TPBG: variants seen among roughly 807,000 people sequenced by gnomAD.
TPBG encodes the protein 5T4 oncofetal antigen.
In TPBG, 13 loss-of-function variants were observed where a neutral mutation model predicts 19.3. That is an observed-to-expected ratio of 0.67 (90% CI 0.44 to 1.07). The LOEUF (loss-of-function observed/expected upper bound fraction) is 1.07. Among genes scored for constraint, TPBG ranks in the 50% least tolerant of loss-of-function variants. The pLI is 0.00. For synonymous variants in TPBG, 338 were observed against 259.8 expected, an observed-to-expected ratio of 1.30 and a Z score of -2.89; for missense variants, 642 against 559.6, an observed-to-expected ratio of 1.15 and a Z score of -1.49.
Position 82,366,663 on chromosome 6 carries a change from C to A in TPBG, c.*439C>A, listed in dbSNP as rs984920820. ...ACCTAAGTTGTGGAGAAAATAATTG[C>A]ATCCTATAAACTGCCTGCAGACGTT... On this transcript the variant is annotated 3_prime_UTR_variant, in exon 2 of 2. Transcript: ENST00000369750. The A allele has an allele frequency of 1.2e-5, 2 of 169,732 alleles. No individual in the cohort carries two copies. Among genetic ancestry groups the A allele is most frequent in the Non-Finnish European group, 1.4e-5 (1 of 69,958 alleles). The allele number at this position is 169,732 out of a possible 1,614,324, so 10.5% of individuals were successfully genotyped here. A position where few individuals can be genotyped will look rare whatever the true frequency, so the allele number is the denominator to read the frequency against.
At position 82,365,121 on chromosome 6, in the gene TPBG, G is replaced by A. The variant is rs1393326143; in HGVS notation, c.160G>A (p.Ala54Thr). The change falls in exon 2 of 2, where the codon GCC (alanine) becomes ACC (threonine). Residue 54 changes from alanine to threonine, a missense_variant. Coordinates refer to ENST00000369750, the MANE Select transcript of TPBG (RefSeq NM_001376922.1). ...SAPFLASAVS[A>T]QPPLPDQCPA... Reference sequence around the variant, plus strand: ...GCCGTTCCTGGCTTCCGCCGTGTCCGCCCAGCCCCCGCTGCCGGACCAGTG... The same window carrying A: ...GCCGTTCCTGGCTTCCGCCGTGTCCACCCAGCCCCCGCTGCCGGACCAGTG... 1.9e-6 allele frequency: 3 copies of A among 1,595,402 alleles called. No homozygotes were observed. Among genetic ancestry groups the A allele is most frequent in the Non-Finnish European group, 1.7e-6 (2 of 1,171,684 alleles).
Position 82,365,633 on chromosome 6 carries a change from C to T in TPBG, c.672C>T (p.Tyr224=), listed in dbSNP as rs1265145101. 6.9e-6 allele frequency: 11 copies of T among 1,604,938 alleles called. No individual in the cohort carries two copies. Among genetic ancestry groups the T allele is most frequent in the African/African-American group, 2.7e-5 (2 of 74,850 alleles). The part of the protein sequence containing the change: ...RLELASNHFL[Y]LPRDVLAQLP... ...AGCTGGCCAGCAACCACTTCCTTTA[C>T]CTGCCGCGGGATGTGCTGGCCCAAC... Residue 224 remains tyrosine, a synonymous_variant, in exon 2 of 2, where the codon TAC becomes TAT. Transcript: ENST00000369750.
Position 82,364,935 on chromosome 6 carries a change from C to G in TPBG, c.-27C>G, listed in dbSNP as rs777248091. ...GCCTTCGGAGCGGGCGCCGTCCCAG[C>G]CCAGCTCCGGGGAAACGCGAGCCGC... On this transcript the variant is annotated 5_prime_UTR_variant, in exon 2 of 2. Coordinates refer to ENST00000369750, the MANE Select transcript of TPBG (RefSeq NM_001376922.1). The G allele has an allele frequency of 6.9e-6, 10 of 1,445,340 alleles. No homozygotes were observed. In the African/African-American group the frequency reaches 1.5e-4, roughly 22 times the overall value. The allele number at this position is 1,445,340 out of a possible 1,614,324, so 89.5% of individuals were successfully genotyped here. A position where few individuals can be genotyped will look rare whatever the true frequency, so the allele number is the denominator to read the frequency against.
At position 82,363,860 on chromosome 6, in the gene TPBG, G is replaced by C. The variant is rs973844469; in HGVS notation, c.-388G>C. The C allele has an allele frequency of 6.6e-6, 1 of 152,534 alleles. No individual in the cohort carries two copies. Among genetic ancestry groups the C allele is most frequent in the African/African-American group, 2.4e-5 (1 of 41,434 alleles). 9.4% of individuals were successfully genotyped at this position (152,534 alleles called of 1,614,324 possible). A position where few individuals can be genotyped will look rare whatever the true frequency, so the allele number is the denominator to read the frequency against. ...CGCAACGCGGAGCCGGGAAGTCGTCGCTACTCTGGTGGAACTCAGAGTTGG... is the reference window on the plus strand; with the variant it reads ...CGCAACGCGGAGCCGGGAAGTCGTCCCTACTCTGGTGGAACTCAGAGTTGG... On this transcript the variant is annotated 5_prime_UTR_variant, in exon 1 of 2. Transcript: ENST00000369750.
At position 82,366,142 on chromosome 6, in the gene TPBG, A is replaced by C. The variant is rs1402063347; in HGVS notation, c.1181A>C (p.Asp394Ala). 1.2e-6 allele frequency: 2 copies of C among 1,614,120 alleles called. No individual in the cohort carries two copies. The highest frequency in any genetic ancestry group is 2.2e-5 in the South Asian group (2 of 91,074). Residue 394 changes from aspartate to alanine, a missense_variant, in exon 2 of 2, where the codon GAT becomes GCT. Physicochemically the swap from Asp to Ala is moderately radical, Grantham distance 126. Transcript: ENST00000369750. ...WMHNIRDACR[D>A]HMEGYHYRYE... ...CATAACATCAGAGATGCCTGCAGGGATCACATGGAAGGGTATCATTACAGA... is the reference window on the plus strand; with the variant it reads ...CATAACATCAGAGATGCCTGCAGGGCTCACATGGAAGGGTATCATTACAGA...
Position 82,366,051 on chromosome 6 carries a change from G to T in TPBG, c.1090G>T (p.Ala364Ser). Residue 364 changes from alanine (A) to serine (S), a missense_variant, in exon 2 of 2, where the codon GCC (alanine) becomes TCC (serine). Transcript: ENST00000369750. ...TTATGTCTTCCTGGGTATTGTTTTA[G>T]CCCTGATAGGCGCTATTTTCCTCCT... ...TSYVFLGIVL[A>S]LIGAIFLLVL... 1.2e-6 allele frequency: 2 copies of T among 1,614,130 alleles called. No individual in the cohort carries two copies. The highest frequency in any genetic ancestry group is 2.2e-5 in the East Asian group (1 of 44,870).
chr6:82,365,024 A>G lies in TPBG; in HGVS notation c.63A>G (p.Leu21=), dbSNP rs759250785. The change falls in exon 2 of 2, where the codon CTA becomes CTG. Residue 21 remains leucine (L), a synonymous_variant. Coordinates refer to ENST00000369750, the MANE Select transcript of TPBG (RefSeq NM_001376922.1). ...AGDGRLRLAR[L]ALVLLGWVSS... ...ACGGGCGTCTGCGGCTGGCGCGACT[A>G]GCGCTGGTACTCCTGGGCTGGGTCT... The G allele has an allele frequency of 2.6e-5, 40 of 1,539,498 alleles. No homozygotes were observed. In the African/African-American group the frequency reaches 5.2e-4, roughly 20 times the overall value.
chr6:82,366,396 T>A lies in TPBG; in HGVS notation c.*172T>A. 1 of 745,736 alleles carries A rather than the reference T, an allele frequency of 1.3e-6. No homozygotes were observed. The highest frequency in any genetic ancestry group is 2.1e-6 in the Non-Finnish European group (1 of 470,828). 46.2% of individuals were successfully genotyped at this position (745,736 alleles called of 1,614,324 possible). ...TGTAAAGTTTCTCGGTGTGTTCTGT[T>A]AATGTAAGACGATGAACAGTTGTGT... On this transcript the variant is annotated 3_prime_UTR_variant, in exon 2 of 2. Transcript: ENST00000369750.
chr6:82,365,611 T>C lies in TPBG; in HGVS notation c.650T>C (p.Leu217Pro). ...RALQGLRRLE[L>P]ASNHFLYLPR... ...CTGCAGGGGCTCCGCCGCTTGGAGC[T>C]GGCCAGCAACCACTTCCTTTACCTG... Residue 217 changes from leucine (L) to proline (P), a missense_variant, in exon 2 of 2, where the codon CTG (leucine) becomes CCG (proline). Physicochemically the swap from Leu to Pro is moderately conservative, Grantham distance 98. Coordinates refer to ENST00000369750, the MANE Select transcript of TPBG (RefSeq NM_001376922.1). 6.2e-7 allele frequency: 1 copy of C among 1,602,946 alleles called. No homozygotes were observed.
Position 82,365,486 on chromosome 6 carries a change from T to A in TPBG, c.525T>A (p.Leu175=), listed in dbSNP as rs1470641947. ...SNASVSAPSP[L]VELILNHIVP... ...CCAGCGTCTCGGCCCCCAGTCCCCT[T>A]GTGGAACTGATCCTGAACCACATCG... The change falls in exon 2 of 2, where the codon CTT becomes CTA. Residue 175 remains leucine, a synonymous_variant. Transcript: ENST00000369750. 6.2e-7 allele frequency: 1 copy of A among 1,605,326 alleles called. No individual in the cohort carries two copies. Among genetic ancestry groups the A allele is most frequent in the Non-Finnish European group, 8.5e-7 (1 of 1,176,332 alleles).
Position 82,365,874 on chromosome 6 carries a change from A to G in TPBG, c.913A>G (p.Met305Val). The part of the protein sequence containing the change: ...PWVCDCHMAD[M>V]VTWLKETEVV... ...GGTCTGCGACTGCCACATGGCAGAC[A>G]TGGTGACCTGGCTCAAGGAAACAGA... The change falls in exon 2 of 2, where the codon ATG becomes GTG. Residue 305 changes from methionine (M) to valine (V), a missense_variant. Physicochemically the swap from Met to Val is conservative, Grantham distance 21. Coordinates refer to ENST00000369750, the MANE Select transcript of TPBG (RefSeq NM_001376922.1). 1 of 1,614,184 alleles carries G rather than the reference A, an allele frequency of 6.2e-7. No individual in the cohort carries two copies. Among genetic ancestry groups the G allele is most frequent in the Non-Finnish European group, 8.5e-7 (1 of 1,180,036 alleles).
rs1227890795 is a variant in TPBG at position 82,364,845 on chromosome 6, G to A, written c.-117G>A. ...TGCGGCGCCACTCCCTCGGTTCCAC[G>A]AGAGGAAAGTTTTTTTTTTCCAGAC... On this transcript the variant is annotated 5_prime_UTR_variant, in exon 2 of 2. Coordinates refer to ENST00000369750, the MANE Select transcript of TPBG (RefSeq NM_001376922.1). 3.1e-5 allele frequency: 29 copies of A among 942,388 alleles called. No individual in the cohort carries two copies. Among genetic ancestry groups the A allele is most frequent in the Middle Eastern group, 3.5e-4 (1 of 2,822 alleles). The allele number at this position is 942,388 out of a possible 1,614,324, so 58.4% of individuals were successfully genotyped here.
At position 82,365,096 on chromosome 6, in the gene TPBG, G is replaced by A. The variant is rs898949683; in HGVS notation, c.135G>A (p.Ala45=). Residue 45 remains alanine (A), a synonymous_variant, in exon 2 of 2, where the codon GCG becomes GCA. Coordinates refer to ENST00000369750, the MANE Select transcript of TPBG (RefSeq NM_001376922.1). The part of the protein sequence containing the change: ...TSSASSFSSS[A]PFLASAVSAQ... ...CGGCATCCTCCTTCTCCTCCTCGGC[G>A]CCGTTCCTGGCTTCCGCCGTGTCCG... The A allele has an allele frequency of 1.9e-6, 3 of 1,576,572 alleles. No individual in the cohort carries two copies. In the African/African-American group the frequency reaches 4.1e-5, roughly 21 times the overall value.
chr6:82,364,980 CG>C lies in TPBG; in HGVS notation c.23del (p.Gly8AlafsTer14). ...AGCCGCGATGCCTGGGGGGTGCTCC[CG>C]GGGCCCCGCCGCCGGGGACGGGCGT... is the stretch of plus-strand genomic sequence containing the variant. MPGGCS[R>X]GPAAGDGRLR... On this transcript the variant is annotated frameshift_variant, in exon 2 of 2. Coordinates refer to ENST00000369750, the MANE Select transcript of TPBG (RefSeq NM_001376922.1). LOFTEE classifies it high-confidence loss of function. The C allele has an allele frequency of 6.6e-7, 1 of 1,517,982 alleles. No homozygotes were observed. Among genetic ancestry groups the C allele is most frequent in the Non-Finnish European group, 8.8e-7 (1 of 1,134,562 alleles). 94.0% of individuals were successfully genotyped at this position (1,517,982 alleles called of 1,614,324 possible).
At position 82,365,149 on chromosome 6, in the gene TPBG, C is replaced by T; in HGVS notation, c.188C>T (p.Pro63Leu). Residue 63 changes from proline (P) to leucine (L), a missense_variant, in exon 2 of 2, where the codon CCC (proline) becomes CTC (leucine). Coordinates refer to ENST00000369750, the MANE Select transcript of TPBG (RefSeq NM_001376922.1). ...SAQPPLPDQC[P>L]ALCECSEAAR... is the part of the protein sequence containing the mutation. ...CAGCCCCCGCTGCCGGACCAGTGCC[C>T]CGCGCTGTGCGAGTGCTCCGAGGCA... The T allele has an allele frequency of 6.2e-7, 1 of 1,605,148 alleles. No homozygotes were observed. The highest frequency in any genetic ancestry group is 8.5e-7 in the Non-Finnish European group (1 of 1,176,712).
chr6:82,365,974 A>G lies in TPBG; in HGVS notation c.1013A>G (p.Asn338Ser). 6.2e-7 allele frequency: 1 copy of G among 1,614,092 alleles called. No homozygotes were observed. Among genetic ancestry groups the G allele is most frequent in the South Asian group, 1.1e-5 (1 of 91,052 alleles). ...AGGAATCGGGTCCTCTTGGAACTCA[A>G]CAGTGCTGACCTGGACTGTGACCCG... ...KMRNRVLLELNSADLDCDPIL... is the reference protein window; with the variant it reads ...KMRNRVLLELSSADLDCDPIL... The change falls in exon 2 of 2, where the codon AAC (asparagine) becomes AGC (serine). Residue 338 changes from asparagine (N) to serine (S), a missense_variant. Transcript: ENST00000369750.
chr6:82,365,518 C>T lies in TPBG; in HGVS notation c.557C>T (p.Pro186Leu). 6.3e-7 allele frequency: 1 copy of T among 1,580,596 alleles called. No individual in the cohort carries two copies. The highest frequency in any genetic ancestry group is 1.2e-5 in the South Asian group (1 of 84,728). Residue 186 changes from proline to leucine, a missense_variant, in exon 2 of 2, where the codon CCT (proline) becomes CTT (leucine). Coordinates refer to ENST00000369750, the MANE Select transcript of TPBG (RefSeq NM_001376922.1). The part of the protein sequence containing the change: ...VELILNHIVP[P>L]EDERQNRSFE... ...CTGATCCTGAACCACATCGTGCCCC[C>T]TGAAGATGAGCGGCAGAACCGGAGC...
Position 82,365,092 on chromosome 6 carries a change from C to CGGCGCCGTTCCTGGCT in TPBG, c.132_147dup (p.Ser50GlyfsTer35), listed in dbSNP as rs1562153687. On this transcript the variant is annotated frameshift_variant, in exon 2 of 2. Coordinates refer to ENST00000369750, the MANE Select transcript of TPBG (RefSeq NM_001376922.1). LOFTEE classifies it high-confidence loss of function. ...TCCTCGGCATCCTCCTTCTCCTCCT[C>CGGCGCCGTTCCTGGCT]GGCGCCGTTCCTGGCTTCCGCCGTG... The CGGCGCCGTTCCTGGCT allele has an allele frequency of 1.3e-6, 2 of 1,572,038 alleles. No individual in the cohort carries two copies. Among genetic ancestry groups the CGGCGCCGTTCCTGGCT allele is most frequent in the Non-Finnish European group, 1.7e-6 (2 of 1,158,790 alleles).
Position 82,366,862 on chromosome 6 carries a change from A to G in TPBG, c.*638A>G, listed in dbSNP as rs952739427. ...TATGAAAATGTACTGATTTTTTTTT[A>G]ATAAACTGCATCGAGATCCAACCGA... On this transcript the variant is annotated 3_prime_UTR_variant, in exon 2 of 2. Coordinates refer to ENST00000369750, the MANE Select transcript of TPBG (RefSeq NM_001376922.1). The G allele has an allele frequency of 3.0e-5, 5 of 166,668 alleles. No individual in the cohort carries two copies. The highest frequency in any genetic ancestry group is 1.2e-4 in the African/African-American group (5 of 41,302). The allele number at this position is 166,668 out of a possible 1,614,324, so 10.3% of individuals were successfully genotyped here.
Sources: allele counts gnomAD v4.1 joint callset, GRCh38; gene constraint gnomAD v4.1.1; transcripts MANE v1.5; gene names NCBI Gene and HGNC (gene_info 2026-07-23, HGNC 2026-07-21).